TYW1B: variants seen among roughly 807,000 people sequenced by gnomAD.
TYW1B encodes S-adenosyl-L-methionine-dependent tRNA 4-demethylwyosine synthase TYW1B.
A neutral mutation model predicts 86.9 loss-of-function variants in TYW1B; 73 were observed. The observed-to-expected ratio is 0.84, with a 90% confidence interval of 0.70 to 1.02. The LOEUF is 1.02. Ranked by LOEUF, TYW1B falls within the 50% of genes least tolerant of loss-of-function variation. TYW1B has a pLI of 0.00. For synonymous variants in TYW1B, 248 were observed against 292.8 expected (o/e 0.85, Z 1.56); for missense variants, 637 against 827.4 (o/e 0.77, Z 2.82).
At chr7:72,805,506 G>A (rs571215798) in intron 5 of TYW1B, among the ~76,000 whole-genome samples, 107 of 151,900 alleles carry the variant, frequency 7.0e-4, no homozygotes, top group Admixed American at 2.2e-3. Flanking sequence ...CAGCTACTTG[G>A]GAGGCTGAAG....
At chr7:72,776,395 C>T (rs1363724744) in intron 7 of TYW1B, among the ~76,000 whole-genome samples, 2 of 151,492 alleles carry the variant, frequency 1.3e-5, no homozygotes, top group Non-Finnish European at 2.9e-5. Context: ...ACCAGCATGG[C>T]CAACATGGCG....
intron 7 of TYW1B, among the ~76,000 whole-genome samples, chr7:72,774,300 G>C (rs534386881): frequency 6.6e-6 from 1 of 150,660 alleles, no homozygotes; most frequent in Non-Finnish European, 1.5e-5. Context: ...TACTGAGCCG[G>C]CTCTTGTCTC....
At chr7:72,803,701 C>A (rs189332378) in intron 5 of TYW1B, among the ~76,000 whole-genome samples, 20 of 152,100 alleles carry the variant, frequency 1.3e-4, no homozygotes, top group Admixed American at 1.0e-3. Flanking sequence ...GCAACCTCCA[C>A]CTCCTTGGTT....
At chr7:72,716,619 T>C (rs1280460112) in intron 9 of TYW1B, among the ~76,000 whole-genome samples, 4 of 134,894 alleles carry the variant, frequency 3.0e-5, no homozygotes, top group Non-Finnish European at 4.8e-5. Context: ...GAACGAGACA[T>C]AGGGGCTGTG....
chr7:72,665,101 G>T (rs1390632874), intron 11 of TYW1B, among the ~76,000 whole-genome samples: 2 of 152,172 alleles, frequency 1.3e-5, no homozygotes, highest in Non-Finnish European at 2.9e-5. Context: ...TCTGCTAAAA[G>T]AACCTATTTC....
At chr7:72,608,406 A>C (rs1484808155) in intron 13 of TYW1B, among the ~76,000 whole-genome samples, 1 of 152,230 alleles carries the variant, frequency 6.6e-6, no homozygotes, top group Admixed American at 6.5e-5. Flanking sequence ...AAGGGAGGGA[A>C]AAGAGATTTA....
chr7:72,708,471 G>T (rs1814663669), intron 10 of TYW1B, among the ~76,000 whole-genome samples: 1 of 152,098 alleles, frequency 6.6e-6, no homozygotes, highest in Admixed American at 6.6e-5. Flanking sequence ...TTCTTACAGT[G>T]TGCTCAAAGA....
At chr7:72,817,606 T>G (rs1285146937) in intron 2 of TYW1B, among the ~76,000 whole-genome samples, 2 of 152,002 alleles carry the variant, frequency 1.3e-5, no homozygotes, top group African/African-American at 4.8e-5. Flanking sequence ...TGGAGGGTCT[T>G]GACTAGGAGT....
chr7:72,583,991 GAACT>G (rs1335078887), intron 13 of TYW1B, among the ~76,000 whole-genome samples: 5 of 152,196 alleles, frequency 3.3e-5, no homozygotes, highest in African/African-American at 4.8e-5. Context: ...GAAAATGACA[GAACT>G]AATAGTCATG....
At chr7:72,718,225 C>T (rs566648736) in intron 9 of TYW1B, among the ~76,000 whole-genome samples, 1 of 152,024 alleles carries the variant, frequency 6.6e-6, no homozygotes, top group South Asian at 2.1e-4. Flanking sequence ...AAAAACAGAA[C>T]ATCAAATATC....
At chr7:72,742,568 G>A (rs1432165394) in intron 8 of TYW1B, among the ~76,000 whole-genome samples, 2 of 152,108 alleles carry the variant, frequency 1.3e-5, no homozygotes, top group South Asian at 2.1e-4. Context: ...TAAAGGAGGC[G>A]GGACAGAGCT....
At chr7:72,772,951 A>C (rs1431845950) in intron 7 of TYW1B, among the ~76,000 whole-genome samples, 1 of 152,198 alleles carries the variant, frequency 6.6e-6, no homozygotes, top group Admixed American at 6.5e-5. Flanking sequence ...CTTGCATATA[A>C]ATAAACAAAG....
chr7:72,805,607 C>T (rs1788479444), intron 5 of TYW1B, among the ~76,000 whole-genome samples: 1 of 146,180 alleles, frequency 6.8e-6, no homozygotes, highest in Admixed American at 6.9e-5. Context: ...GAATGAGACC[C>T]TTTCTCAAAA....
intron 10 of TYW1B, among the ~76,000 whole-genome samples, chr7:72,706,431 CAAAA>C (rs59124514): frequency 7.8e-5 from 5 of 64,490 alleles, no homozygotes; most frequent in Non-Finnish European, 1.4e-4. Flanking sequence ...CCTCCATCTC[CAAAA>C]AAAAAAAAAA....
chr7:72,744,642 A>G (rs1554463279), intron 7 of TYW1B, 41 bp from the exon 8 acceptor site: 1 of 1,606,408 alleles, frequency 6.2e-7, no homozygotes, highest in African/African-American at 1.3e-5. Context: ...TAAAATCGTC[A>G]AAGCACAGAA....
At chr7:72,774,896 T>TTA (rs1787929650) in intron 7 of TYW1B, among the ~76,000 whole-genome samples, 1 of 152,036 alleles carries the variant, frequency 6.6e-6, no homozygotes, top group African/African-American at 2.4e-5. Flanking sequence ...GACAAAGACA[T>TTA]TAGCAGATTA....
chr7:72,691,448 T>A (rs1434952427), intron 11 of TYW1B, among the ~76,000 whole-genome samples: 1 of 152,228 alleles, frequency 6.6e-6, no homozygotes, highest in African/African-American at 2.4e-5. Context: ...TAACTTTAAG[T>A]TACTGCATTA....
chr7:72,666,949 A>G (rs1585888261), intron 11 of TYW1B, among the ~76,000 whole-genome samples: 1 of 133,636 alleles, frequency 7.5e-6, no homozygotes, highest in Admixed American at 8.9e-5. Context: ...GGAGAATGGC[A>G]TGAACCTGGG....
At chr7:72,774,612 C>G (rs1202894612) in intron 7 of TYW1B, among the ~76,000 whole-genome samples, 1 of 152,094 alleles carries the variant, frequency 6.6e-6, no homozygotes, top group Non-Finnish European at 1.5e-5. Flanking sequence ...ACTCAGGAGG[C>G]TGAGGCAGGT....
Sources: gnomAD v4.1 joint callset for allele counts (sites outside exome capture counted in the v4.1 genomes callset) on GRCh38, gnomAD v4.1.1 for gene constraint, MANE v1.5 for transcripts, NCBI Gene and HGNC (gene_info 2026-07-23, HGNC 2026-07-21) for gene names.